OPCML: variants seen among roughly 807,000 people sequenced by gnomAD.
The protein encoded by OPCML is opioid-binding protein/cell adhesion molecule.
A neutral mutation model predicts 37.8 loss-of-function variants in OPCML; 13 were observed. That is an observed-to-expected ratio of 0.34 (90% CI 0.22 to 0.55). The LOEUF (loss-of-function observed/expected upper bound fraction) is 0.55. OPCML is among the 20% of genes least tolerant of loss of function. OPCML has a pLI of 0.91. For synonymous variants in OPCML, 176 were observed against 168.8 expected (o/e 1.04, Z -0.33); for missense variants, 341 against 435.6 (o/e 0.78, Z 1.93).
chr11:133,319,704 A>G (rs930792656), intron 1 of OPCML, among the ~76,000 whole-genome samples: 1 of 152,182 alleles, frequency 6.6e-6, no homozygotes, highest in Non-Finnish European at 1.5e-5. Context: ...GTGTTAACTC[A>G]TCCAGTGAGT....
At chr11:132,982,624 C>T (rs1354161657) in intron 1 of OPCML, among the ~76,000 whole-genome samples, 1 of 152,064 alleles carries the variant, frequency 6.6e-6, no homozygotes, top group Non-Finnish European at 1.5e-5. Context: ...GGATAAGTCA[C>T]TTCACCCTTC....
intron 1 of OPCML, among the ~76,000 whole-genome samples, chr11:133,260,771 G>C (rs1032865462): frequency 1.1e-4 from 16 of 152,196 alleles, no homozygotes; most frequent in Non-Finnish European, 2.2e-4. Context: ...CCAGATTTCA[G>C]TTGCCATGAC....
intron 1 of OPCML, among the ~76,000 whole-genome samples, chr11:133,160,778 T>C (rs1202913884): frequency 6.6e-6 from 1 of 152,222 alleles, no homozygotes; most frequent in Admixed American, 6.5e-5. Context: ...CTTGCTCCTG[T>C]CCTGGCAGGA....
chr11:133,123,194 A>G (rs1229109307), intron 1 of OPCML, among the ~76,000 whole-genome samples: 1 of 152,208 alleles, frequency 6.6e-6, no homozygotes, highest in Non-Finnish European at 1.5e-5. Flanking sequence ...TCAATTCCAG[A>G]CACTTTATTG....
At chr11:132,714,628 A>G (rs925561791) in intron 2 of OPCML, among the ~76,000 whole-genome samples, 12 of 152,186 alleles carry the variant, frequency 7.9e-5, no homozygotes, top group Admixed American at 7.9e-4. Flanking sequence ...ATAGTTGGTT[A>G]TGTTGGTGCC....
intron 3 of OPCML, among the ~76,000 whole-genome samples, chr11:132,574,362 T>A (rs1013215256): frequency 1.3e-5 from 2 of 151,138 alleles, no homozygotes; most frequent in Non-Finnish European, 3.0e-5. Flanking sequence ...TTATTTGTAA[T>A]CTTCCTTCTT....
intron 1 of OPCML, among the ~76,000 whole-genome samples, chr11:133,249,588 T>C (rs1941060037): frequency 6.6e-6 from 1 of 152,166 alleles, no homozygotes; most frequent in African/African-American, 2.4e-5. Context: ...ACGACAGGGT[T>C]GAGACACCAA....
intron 7 of OPCML, among the ~76,000 whole-genome samples, chr11:132,428,086 G>C (rs769174347): frequency 1.3e-5 from 2 of 152,218 alleles, no homozygotes; most frequent in Non-Finnish European, 2.9e-5. Flanking sequence ...AAGATATCAT[G>C]TGATGAACGT....
chr11:132,965,832 G>C (rs1332031436), intron 1 of OPCML, among the ~76,000 whole-genome samples: 1 of 152,088 alleles, frequency 6.6e-6, no homozygotes, highest in Non-Finnish European at 1.5e-5. Context: ...AGCCTAGCCA[G>C]CACACAACTG....
chr11:133,197,644 C>T (rs1337375654), intron 1 of OPCML, among the ~76,000 whole-genome samples: 1 of 152,202 alleles, frequency 6.6e-6, no homozygotes, highest in African/African-American at 2.4e-5. Flanking sequence ...CTCTGGAAGG[C>T]TGACAAATGG....
At chr11:132,477,326 C>A (rs780103233) in intron 4 of OPCML, among the ~76,000 whole-genome samples, 3 of 152,208 alleles carry the variant, frequency 2.0e-5, no homozygotes, top group Non-Finnish European at 4.4e-5. Context: ...GGATTAGAGC[C>A]ACAGAGAATC....
intron 1 of OPCML, among the ~76,000 whole-genome samples, chr11:133,416,722 C>T (rs1945775792): frequency 2.0e-5 from 3 of 152,062 alleles, no homozygotes; most frequent in Admixed American, 2.0e-4. Flanking sequence ...TGATTTTTTT[C>T]CTGGCTCCTG....
At chr11:132,793,971 G>A (rs948784032) in intron 2 of OPCML, among the ~76,000 whole-genome samples, 1 of 152,194 alleles carries the variant, frequency 6.6e-6, no homozygotes, top group African/African-American at 2.4e-5. Flanking sequence ...GGTAAAGACG[G>A]CTACTGCCCA....
intron 1 of OPCML, among the ~76,000 whole-genome samples, chr11:133,251,375 A>G (rs569336303): frequency 4.6e-5 from 7 of 152,120 alleles, no homozygotes; most frequent in Non-Finnish European, 8.8e-5. Flanking sequence ...AATGGAGCCA[A>G]TCGTGTAGGG....
chr11:133,422,687 T>C (rs1406550934), intron 1 of OPCML: 1 of 984,346 alleles, frequency 1.0e-6, no homozygotes, highest in Non-Finnish European at 1.2e-6. Context: ...TATTATGTCA[T>C]GAGGAAATAT....
intron 1 of OPCML, among the ~76,000 whole-genome samples, chr11:132,994,979 C>A (rs1946855350): frequency 6.6e-6 from 1 of 152,236 alleles, no homozygotes; most frequent in African/African-American, 2.4e-5. Context: ...GGACGAATAA[C>A]TCCTTATAGG....
intron 2 of OPCML, among the ~76,000 whole-genome samples, chr11:132,665,161 G>A (rs944078196): frequency 1.3e-5 from 2 of 152,160 alleles, no homozygotes; most frequent in Non-Finnish European, 2.9e-5. Flanking sequence ...TGCCTTCAAC[G>A]TGAGGGCCTG....
intron 1 of OPCML, among the ~76,000 whole-genome samples, chr11:133,323,850 T>G (rs1169399997): frequency 6.6e-6 from 1 of 152,202 alleles, no homozygotes; most frequent in Non-Finnish European, 1.5e-5. Flanking sequence ...TTATGCCCTC[T>G]CCGTGCTCCC....
At chr11:132,537,648 CAAAA>C (rs1362225358) in intron 3 of OPCML, among the ~76,000 whole-genome samples, 1 of 152,112 alleles carries the variant, frequency 6.6e-6, no homozygotes, top group Non-Finnish European at 1.5e-5. Context: ...AGAAAATCCA[CAAAA>C]TAAGACAAAG....
Sources: allele counts gnomAD v4.1 joint callset (sites outside exome capture counted in the v4.1 genomes callset), GRCh38; gene constraint gnomAD v4.1.1; transcripts MANE v1.5; gene names NCBI Gene and HGNC (gene_info 2026-07-23, HGNC 2026-07-21).